KDM4B: variants seen among roughly 807,000 people sequenced by gnomAD.
The protein encoded by KDM4B is lysine-specific demethylase 4B.
In KDM4B, 32 loss-of-function variants were observed where a neutral mutation model predicts 125.2. That is an observed-to-expected ratio of 0.26 (90% CI 0.19 to 0.34). The LOEUF (loss-of-function observed/expected upper bound fraction) is 0.34, where lower values mean the gene tolerates loss of function less well. Ranked by LOEUF, KDM4B falls within the 10% of genes least tolerant of loss-of-function variation. The probability of loss-of-function intolerance (pLI) is 1.00; values close to 1 mark genes in which losing one functional copy is unlikely to be tolerated. For synonymous variants in KDM4B, 721 were observed against 677.9 expected (o/e 1.06, Z -0.99); for missense variants, 1,190 against 1,577.7 (o/e 0.75, Z 4.16).
chr19:5,040,319 C>G (rs2036767034), intron 4 of KDM4B, among the ~76,000 whole-genome samples: 1 of 152,168 alleles, frequency 6.6e-6, no homozygotes, highest in African/African-American at 2.4e-5. Context: ...GGCTTGTGGC[C>G]CCTCCTCAGA....
intron 9 of KDM4B, among the ~76,000 whole-genome samples, chr19:5,100,968 T>G (rs2038919166): frequency 6.6e-6 from 1 of 152,112 alleles, no homozygotes; most frequent in African/African-American, 2.4e-5. Flanking sequence ...CACCTGTGAT[T>G]CCAGCACTTT....
intron 9 of KDM4B, among the ~76,000 whole-genome samples, chr19:5,099,650 G>A (rs1229208070): frequency 6.6e-6 from 1 of 152,208 alleles, no homozygotes; most frequent in African/African-American, 2.4e-5. Context: ...CTTGAGAAAG[G>A]AACACAGGCA....
chr19:5,042,019 C>A (rs186541066), intron 5 of KDM4B, among the ~76,000 whole-genome samples: 77 of 152,358 alleles, frequency 5.1e-4, no homozygotes, highest in Middle Eastern at 3.4e-3. Context: ...CCCTGGAGAA[C>A]CTGAGGGAGA....
chr19:4,998,383 C>A (rs976044683), intron 1 of KDM4B, among the ~76,000 whole-genome samples: 36 of 152,166 alleles, frequency 2.4e-4, no homozygotes, highest in African/African-American at 8.2e-4. Flanking sequence ...TCAGACTGAC[C>A]CCAAAATTGC....
At chr19:5,117,947 T>C (rs891570665) in intron 10 of KDM4B, among the ~76,000 whole-genome samples, 28 of 152,124 alleles carry the variant, frequency 1.8e-4, no homozygotes, top group African/African-American at 6.8e-4. Flanking sequence ...CGGCAGTGAC[T>C]AGTGTTCTAG....
chr19:5,014,656 TCATCATCCTCCCA>T (rs1179092401), intron 1 of KDM4B, among the ~76,000 whole-genome samples: 1 of 152,118 alleles, frequency 6.6e-6, no homozygotes, highest in Admixed American at 6.5e-5. Context: ...TGATCCTCCC[TCATCATCCTCCCA>T]AAGTGCTGGC....
chr19:5,033,849 G>A (rs551341748), intron 3 of KDM4B, among the ~76,000 whole-genome samples: 6 of 151,972 alleles, frequency 3.9e-5, no homozygotes, highest in East Asian at 2.0e-4. Context: ...CATTCTGCTC[G>A]TCTGGGCATG....
rs2034261719 is a variant in KDM4B at position 4,971,611 on chromosome 19, G to C, written c.-109+2381G>C. Among the ~76,000 whole-genome samples the C allele has an allele frequency of 1.3e-5, 2 of 152,294 alleles. No individual in the cohort carries two copies. Among genetic ancestry groups the C allele is most frequent in the South Asian group, 2.1e-4 (1 of 4,828 alleles). ...CAGTGCCGAGTGCCATGCCGGGACA[G>C]GTTGGGAGGAGTCCCTGGCTCCTGT... is the stretch of plus-strand genomic sequence containing the variant. On this transcript the variant is annotated intron_variant, in intron 1 of 22. Transcript: ENST00000159111. This position sits in a 1 kb window ranked among gnomAD's most constrained non-coding sequence, Gnocchi z 4.1.
chr19:5,002,701 C>T (rs2035429651), intron 1 of KDM4B, among the ~76,000 whole-genome samples: 1 of 151,238 alleles, frequency 6.6e-6, no homozygotes. Flanking sequence ...TGGCTTACAC[C>T]TGTAGTCCCC....
chr19:5,151,390 C>A lies in KDM4B; in HGVS notation c.3170C>A (p.Ala1057Asp). The A allele has an allele frequency of 6.3e-7, 1 of 1,587,046 alleles. No homozygotes were observed. ...GCCTTCTCGGGGGAGGAGGCCAAGGCCGCCAAGCGCCCGCGTGTGGGCACC... is the reference window on the plus strand; with the variant it reads ...GCCTTCTCGGGGGAGGAGGCCAAGGACGCCAAGCGCCCGCGTGTGGGCACC... Reference protein sequence around the residue: ...EPAFSGEEAKAAKRPRVGTPL... With the variant: ...EPAFSGEEAKDAKRPRVGTPL... The change falls in exon 23 of 23, where the codon GCC becomes GAC. Residue 1057 changes from alanine (A) to aspartate (D), a missense_variant. Ala to Asp is a moderately radical substitution (Grantham distance 126). Transcript: ENST00000159111.
chr19:5,019,708 G>T (rs1259957266), intron 2 of KDM4B, among the ~76,000 whole-genome samples: 4 of 145,108 alleles, frequency 2.8e-5, no homozygotes, highest in Non-Finnish European at 6.0e-5. Flanking sequence ...GGGTGTTGGT[G>T]TGCAGGTGGT....
Position 5,077,422 on chromosome 19 carries a change from C to T in KDM4B, c.732C>T (p.Thr244=), listed in dbSNP as rs2038151462. Residue 244 remains threonine, a synonymous_variant, in exon 8 of 23, where the codon ACC becomes ACT. Transcript: ENST00000159111. The stretch of plus-strand genomic sequence containing the variant: ...ACGCCTTCCTGCGGCATAAGATGAC[C>T]CTCATCTCGCCCATCATCCTGAAGA... ...GCDAFLRHKM[T]LISPIILKKY... The T allele has an allele frequency of 6.2e-7, 1 of 1,613,284 alleles. No homozygotes were observed. The highest frequency in any genetic ancestry group is 1.3e-5 in the African/African-American group (1 of 74,946).
At chr19:5,104,091 G>T (rs1443584612) in intron 9 of KDM4B, among the ~76,000 whole-genome samples, 1 of 152,182 alleles carries the variant, frequency 6.6e-6, no homozygotes, top group Non-Finnish European at 1.5e-5. Context: ...CTGCTGGGTG[G>T]GTGGCAGGGA....
intron 6 of KDM4B, among the ~76,000 whole-genome samples, chr19:5,060,459 A>AAAAAAAAAAAAAC (rs2037555948): frequency 7.7e-6 from 1 of 129,710 alleles, no homozygotes; most frequent in Non-Finnish European, 1.6e-5. Context: ...AAAAAAAAAA[A>AAAAAAAAAAAAAC]AAAAGGGAGC....
rs375325945 is a variant in KDM4B at position 5,138,083 on chromosome 19, G to A, written c.2550+13G>A. The A allele has an allele frequency of 1.0e-4, 167 of 1,600,856 alleles. No individual in the cohort carries two copies. In the East Asian group the frequency reaches 2.4e-3, roughly 23 times the overall value. The stretch of plus-strand genomic sequence containing the variant: ...GCGGTGGAAGCTGGTAGGTCCTTGC[G>A]GTCGAGGCCCACCCTGCCCGTGCCT... On this transcript the variant is annotated intron_variant, in intron 18 of 22. Transcript: ENST00000159111.
rs545510259 is a variant in KDM4B at position 5,127,567 on chromosome 19, G to A, written c.1316-3509G>A. Among the ~76,000 whole-genome samples, 242 of 152,332 alleles carry A rather than the reference G, an allele frequency of 1.6e-3. 1 individual carries two copies. The highest frequency in any genetic ancestry group is 5.7e-3 in the African/African-American group (235 of 41,570). On this transcript the variant is annotated intron_variant, in intron 11 of 22. Transcript: ENST00000159111. ...TCATTCACTGCTGTCTCCAGACAGG[G>A]GATGGGGTGGCACTCATCAGCCGGG...
intron 11 of KDM4B, among the ~76,000 whole-genome samples, chr19:5,129,798 C>T (rs1378923719): frequency 6.6e-6 from 1 of 152,214 alleles, no homozygotes; most frequent in Non-Finnish European, 1.5e-5. Flanking sequence ...AGGCAGGGCC[C>T]CAGGGCCCCA....
At chr19:5,136,649 G>A (rs907649690) in intron 15 of KDM4B, among the ~76,000 whole-genome samples, 86 of 151,878 alleles carry the variant, frequency 5.7e-4, no homozygotes, top group Admixed American at 3.5e-3. Context: ...ACCCCCAGCC[G>A]TGCCCACCAC....
chr19:5,131,642 A>T (rs866289297), intron 12 of KDM4B, 97 bp downstream of exon 12: 2 of 107,034 alleles, frequency 1.9e-5, no homozygotes, highest in South Asian at 1.1e-4. Context: ...GTGGCGGGGG[A>T]GGGGGCAGGG....
Sources: allele counts gnomAD v4.1 joint callset (sites outside exome capture counted in the v4.1 genomes callset), GRCh38; gene constraint gnomAD v4.1.1; non-coding constraint Gnocchi (gnomAD v3.1); transcripts MANE v1.5; gene names NCBI Gene and HGNC (gene_info 2026-07-23, HGNC 2026-07-21).